CEP295: variants seen among roughly 807,000 people sequenced by gnomAD.
CEP295 encodes centrosomal protein of 295 kDa.
In CEP295, 190 loss-of-function variants were observed where a neutral mutation model predicts 291.6. The ratio of observed to expected loss-of-function variants is 0.65; its 90% CI spans 0.58 to 0.73. The LOEUF (loss-of-function observed/expected upper bound fraction) is 0.73, where lower values mean the gene tolerates loss of function less well. CEP295 is among the 30% of genes least tolerant of loss of function. CEP295 has a pLI of 0.00. For synonymous variants in CEP295, 993 were observed against 1,038.8 expected (o/e 0.96, Z 0.85); for missense variants, 2,863 against 2,949.4 (o/e 0.97, Z 0.68).
At chr11:93,669,877 G>T in intron 5 of CEP295, 107 bp downstream of exon 5, 2 of 682,484 alleles carry the variant, frequency 2.9e-6, no homozygotes, top group Non-Finnish European at 4.9e-6. Flanking sequence ...AAGTTTTCTT[G>T]TACAATTAAA....
intron 1 of CEP295, among the ~76,000 whole-genome samples, chr11:93,666,191 C>A (rs1283371154): frequency 6.6e-6 from 1 of 152,180 alleles, no homozygotes; most frequent in African/African-American, 2.4e-5. Flanking sequence ...TATCACTGAT[C>A]TAAGTGTGAA....
At position 93,714,673 on chromosome 11, in the gene CEP295, C is replaced by G. The variant is rs115936157; in HGVS notation, c.5750-6639C>G. On this transcript the variant is annotated intron_variant, in intron 18 of 29. Coordinates refer to ENST00000325212, the MANE Select transcript of CEP295 (RefSeq NM_033395.2). Reference sequence around the variant, plus strand: ...GATCTAAGTTTTTGGTCACTGCAGCCATGTCTTCATTAGGGGATACCCCAA... The same window carrying G: ...GATCTAAGTTTTTGGTCACTGCAGCGATGTCTTCATTAGGGGATACCCCAA... Among the ~76,000 whole-genome samples, 1,212 of 152,292 alleles carry G rather than the reference C, an allele frequency of 8.0e-3. 22 individuals are homozygous for G. The highest frequency in any genetic ancestry group is 0.053 in the East Asian group (275 of 5,180).
intron 13 of CEP295, among the ~76,000 whole-genome samples, chr11:93,696,021 T>C (rs1951827330): frequency 6.6e-6 from 1 of 152,134 alleles, no homozygotes. Flanking sequence ...TTATTTGGTC[T>C]TTTTTTGATA....
At chr11:93,683,910 A>G in intron 8 of CEP295, 54 bp from the exon 9 acceptor site, 24 of 1,515,368 alleles carry the variant, frequency 1.6e-5, no homozygotes, top group Non-Finnish European at 2.0e-5. Context: ...TTTGTGATCC[A>G]GTTATTTTTA....
chr11:93,714,292 C>T (rs1953093858), intron 18 of CEP295, among the ~76,000 whole-genome samples: 1 of 152,164 alleles, frequency 6.6e-6, no homozygotes, highest in Admixed American at 6.5e-5. Flanking sequence ...TGTTCTGTCT[C>T]CAGGCTGGAG....
At chr11:93,674,079 C>T (rs1174800779) in intron 5 of CEP295, among the ~76,000 whole-genome samples, 1 of 152,004 alleles carries the variant, frequency 6.6e-6, no homozygotes, top group Non-Finnish European at 1.5e-5. Flanking sequence ...TATCTTGCCT[C>T]AGCCTCCCTA....
At chr11:93,723,015 A>G (rs1323236839) in intron 20 of CEP295, 26 bp from the exon 21 acceptor site, 10 of 1,544,490 alleles carry the variant, frequency 6.5e-6, no homozygotes, top group Middle Eastern at 1.7e-4. Flanking sequence ...GCCTATTTAC[A>G]TATTTTCATT....
At chr11:93,718,911 C>T (rs1195986391) in intron 18 of CEP295, among the ~76,000 whole-genome samples, 1 of 152,176 alleles carries the variant, frequency 6.6e-6, no homozygotes, top group Non-Finnish European at 1.5e-5. Context: ...GAATTCGAGA[C>T]CAGCCTGGCC....
At position 93,729,433 on chromosome 11, in the gene CEP295, G is replaced by C; in HGVS notation, c.7303-1G>C. The C allele has an allele frequency of 3.2e-6, 5 of 1,545,334 alleles. No homozygotes were observed. The highest frequency in any genetic ancestry group is 4.4e-6 in the Non-Finnish European group (5 of 1,141,046). ...AAAACATGCAACTTTCTTGCCATTA[G>C]GTGAGTGAGTTTCTGCCTCTTGTAT... is the stretch of plus-strand genomic sequence containing the variant. On this transcript the variant is annotated splice_acceptor_variant, in intron 25 of 29. Transcript: ENST00000325212. LOFTEE classifies it high-confidence loss of function.
In CEP295 at chr11:93,710,407, T is replaced by A. The variant is rs961299525; in HGVS notation, c.5749+3510T>A. Among the ~76,000 whole-genome samples, 8 of 152,366 alleles carry A rather than the reference T, an allele frequency of 5.3e-5. No individual in the cohort carries two copies. In the East Asian group the frequency reaches 5.8e-4, roughly 11 times the overall value. On this transcript the variant is annotated intron_variant, in intron 18 of 29. Transcript: ENST00000325212. The stretch of plus-strand genomic sequence containing the variant: ...ATCATGTGGTTTTTGTCCTTCATTC[T>A]GTTGATAGGATGTATCACATTGTTT...
rs78559591 is a variant in CEP295 at position 93,695,341 on chromosome 11, T to C, written c.1534-156T>C. ...CCATCTTTTACTCCCATCCTCAGTC[T>C]GTCAGTGATAACAACAGAGATAAAG... is the stretch of plus-strand genomic sequence containing the variant. On this transcript the variant is annotated intron_variant, in intron 12 of 29. Coordinates refer to ENST00000325212, the MANE Select transcript of CEP295 (RefSeq NM_033395.2). Among the ~76,000 whole-genome samples the C allele has an allele frequency of 4.8e-3, 726 of 152,352 alleles. 6 individuals carry two copies. The highest frequency in any genetic ancestry group is 0.016 in the African/African-American group (648 of 41,580).
At chr11:93,691,568 G>T (rs1203061425) in intron 10 of CEP295, 115 bp from the exon 11 acceptor site, 3 of 655,246 alleles carry the variant, frequency 4.6e-6, no homozygotes, top group Non-Finnish European at 5.4e-6. Flanking sequence ...ATCTTAACTA[G>T]ATGAGACATT....
intron 18 of CEP295, among the ~76,000 whole-genome samples, chr11:93,714,884 G>T (rs907502036): frequency 1.3e-5 from 2 of 152,196 alleles, no homozygotes; most frequent in East Asian, 3.9e-4. Context: ...CCTGGAGCTG[G>T]GGGGAGGGGT....
chr11:93,693,085 G>C (rs1182751531), intron 12 of CEP295, among the ~76,000 whole-genome samples: 2 of 85,516 alleles, frequency 2.3e-5, no homozygotes, highest in African/African-American at 7.1e-5. Context: ...AGACCATCCT[G>C]GCTAACACGG....
intron 23 of CEP295, among the ~76,000 whole-genome samples, chr11:93,726,251 C>T (rs1053458439): frequency 1.3e-5 from 2 of 152,238 alleles, no homozygotes; most frequent in Admixed American, 6.5e-5. Flanking sequence ...CTGCCTCACT[C>T]AGCCTCCCAA....
chr11:93,673,312 A>T (rs1394023950), intron 5 of CEP295, among the ~76,000 whole-genome samples: 1 of 152,112 alleles, frequency 6.6e-6, no homozygotes, highest in Non-Finnish European at 1.5e-5. Context: ...GTGTATATGT[A>T]TGCTAGTTAA....
chr11:93,697,095 A>G lies in CEP295; in HGVS notation c.2183A>G (p.Lys728Arg), dbSNP rs1951880527. ...TQQRDYKLVP[K>R]DSETLSRALS... ...CAGAGAGACTATAAATTGGTCCCCAAAGATTCTGAGACACTTTCAAGGGCT... is the reference window on the plus strand; with the variant it reads ...CAGAGAGACTATAAATTGGTCCCCAGAGATTCTGAGACACTTTCAAGGGCT... Residue 728 changes from lysine to arginine, a missense_variant, in exon 15 of 30, where the codon AAA becomes AGA. Physicochemically the swap from Lys to Arg is conservative, Grantham distance 26. Coordinates refer to ENST00000325212, the MANE Select transcript of CEP295 (RefSeq NM_033395.2). 1.3e-6 allele frequency: 2 copies of G among 1,551,566 alleles called. No individual in the cohort carries two copies. Among genetic ancestry groups the G allele is most frequent in the South Asian group, 1.2e-5 (1 of 84,070 alleles).
intron 18 of CEP295, among the ~76,000 whole-genome samples, chr11:93,710,510 T>C (rs770804427): frequency 1.3e-5 from 2 of 152,232 alleles, no homozygotes; most frequent in Non-Finnish European, 2.9e-5. Context: ...TTTTAATGTG[T>C]TGTTGAATTC....
intron 5 of CEP295, among the ~76,000 whole-genome samples, chr11:93,671,520 G>A (rs968424635): frequency 2.0e-5 from 3 of 152,126 alleles, no homozygotes; most frequent in African/African-American, 7.2e-5. Context: ...CCCGTATCTG[G>A]TATCTCCAAA....
Sources: allele counts gnomAD v4.1 joint callset (sites outside exome capture counted in the v4.1 genomes callset), GRCh38; gene constraint gnomAD v4.1.1; transcripts MANE v1.5; gene names NCBI Gene and HGNC (gene_info 2026-07-23, HGNC 2026-07-21).